LRP1B: variants seen among roughly 807,000 people sequenced by gnomAD.
The protein encoded by LRP1B is low-density lipoprotein receptor-related protein 1B.
LRP1B carries 217 observed loss-of-function variants against 556.6 expected under a neutral mutation model. The observed-to-expected ratio is 0.39, with a 90% CI of 0.35 to 0.44. The LOEUF (loss-of-function observed/expected upper bound fraction) is 0.44, where lower values mean the gene tolerates loss of function less well. Ranked by LOEUF, LRP1B falls within the 20% of genes least tolerant of loss-of-function variation. LRP1B has a pLI of 1.00. For synonymous variants in LRP1B, 2,047 were observed against 1,865.8 expected, an observed-to-expected ratio of 1.10 and a Z score of -2.50; for missense variants, 5,053 against 5,620.8, an observed-to-expected ratio of 0.90 and a Z score of 3.23.
chr2:140,290,947 A>G (rs995075705), intron 84 of LRP1B, among the ~76,000 whole-genome samples: 31 of 152,224 alleles, frequency 2.0e-4, no homozygotes, highest in Middle Eastern at 3.4e-3. Context: ...CAGATTAGGG[A>G]AAACTGCTTA....
intron 13 of LRP1B, among the ~76,000 whole-genome samples, chr2:141,015,448 A>G (rs1697874444): frequency 6.6e-6 from 1 of 152,030 alleles, no homozygotes; most frequent in Admixed American, 6.6e-5. Context: ...AACAGCTCTG[A>G]TATCCTGAGA....
chr2:141,638,885 G>A lies in LRP1B; in HGVS notation c.206-158352C>T, dbSNP rs1184726174. On this transcript the variant is annotated intron_variant, in intron 2 of 90. Transcript: ENST00000389484. ...CATATATATATATATATATATATGT[G>A]TGTGTATGTGCGTGTGTGTGTGTGT... Among the ~76,000 whole-genome samples, 4 of 48,656 alleles carry A rather than the reference G, an allele frequency of 8.2e-5. 1 individual carries two copies. The highest frequency in any genetic ancestry group is 3.3e-4 in the African/African-American group (4 of 12,248). The allele number at this position is 48,656 out of a possible 152,430, so 31.9% of individuals were successfully genotyped here.
At chr2:141,336,163 A>T (rs1687843770) in intron 3 of LRP1B, among the ~76,000 whole-genome samples, 1 of 149,510 alleles carries the variant, frequency 6.7e-6, no homozygotes, top group South Asian at 2.1e-4. Flanking sequence ...AATAGTCTGG[A>T]TGTGTGAGAG....
rs191526726 is a variant in LRP1B at position 141,873,500 on chromosome 2, A to G, written c.83-63099T>C. 2.3e-3 allele frequency among the ~76,000 whole-genome samples: 353 copies of G among 152,134 alleles called. 3 individuals are homozygous for G. The highest frequency in any genetic ancestry group is 7.8e-3 in the African/African-American group (326 of 41,544). ...TAGAAATGAGATGGGGAAAGTAACG[A>G]AAACTGCAATGTTTAACTTGAGTCA... On this transcript the variant is annotated intron_variant, in intron 1 of 90. Coordinates refer to ENST00000389484, the MANE Select transcript of LRP1B (RefSeq NM_018557.3).
intron 3 of LRP1B, among the ~76,000 whole-genome samples, chr2:141,438,069 ACTG>A (rs1346906059): frequency 6.6e-6 from 1 of 152,106 alleles, no homozygotes; most frequent in Non-Finnish European, 1.5e-5. Context: ...ACTATTTCCC[ACTG>A]CATGTAGATA....
chr2:141,711,920 TTCTC>T (rs1307889154), intron 2 of LRP1B, among the ~76,000 whole-genome samples: 5 of 150,682 alleles, frequency 3.3e-5, no homozygotes, highest in East Asian at 3.9e-4. Context: ...CCTCTTCTTT[TTCTC>T]TCTCTGTCAT....
intron 1 of LRP1B, among the ~76,000 whole-genome samples, chr2:142,115,603 ATATATAT>A (rs1707195486): frequency 4.4e-5 from 1 of 22,938 alleles, no homozygotes; most frequent in African/African-American, 1.2e-4. Flanking sequence ...TATATATGTA[ATATATAT>A]TATATATATG....
chr2:141,125,597 G>T (rs1329077381), intron 7 of LRP1B, among the ~76,000 whole-genome samples: 4 of 152,084 alleles, frequency 2.6e-5, no homozygotes, highest in Non-Finnish European at 5.9e-5. Context: ...CCCTTGCACA[G>T]TGAAGGCACA....
At chr2:140,912,209 A>G (rs1389493484) in intron 21 of LRP1B, among the ~76,000 whole-genome samples, 4 of 151,750 alleles carry the variant, frequency 2.6e-5, no homozygotes, top group African/African-American at 7.2e-5. Flanking sequence ...ACTCATGCAC[A>G]TGAATTAGGT....
intron 11 of LRP1B, among the ~76,000 whole-genome samples, chr2:141,035,075 G>T (rs1201264601): frequency 6.6e-5 from 10 of 151,958 alleles, no homozygotes; most frequent in Admixed American, 6.6e-4. Context: ...GATGAAATTG[G>T]AAATCATCAT....
At chr2:141,264,171 A>G (rs1039268251) in intron 3 of LRP1B, among the ~76,000 whole-genome samples, 3 of 152,214 alleles carry the variant, frequency 2.0e-5, no homozygotes, top group African/African-American at 7.2e-5. Flanking sequence ...GTTTGTAAGC[A>G]ACAGAAACAA....
intron 2 of LRP1B, among the ~76,000 whole-genome samples, chr2:141,488,380 C>T (rs1683193699): frequency 6.6e-6 from 1 of 152,136 alleles, no homozygotes; most frequent in Admixed American, 6.6e-5. Flanking sequence ...CTGATTATCG[C>T]TACCTAGTTA....
Position 140,779,755 on chromosome 2 carries a change from AGTGT to A in LRP1B, c.5360-3521_5360-3518del, listed in dbSNP as rs70988440. On this transcript the variant is annotated intron_variant, in intron 32 of 90. Coordinates refer to ENST00000389484, the MANE Select transcript of LRP1B (RefSeq NM_018557.3). ...TGGTGTGTCTGTCTCTCTGTGAGAG[AGTGT>A]GTGTGTGTGTGTGTGTGTGTGTGTG... Among the ~76,000 whole-genome samples, 338 of 135,362 alleles carry A rather than the reference AGTGT, an allele frequency of 2.5e-3. 1 individual carries two copies. The highest frequency in any genetic ancestry group is 8.8e-3 in the African/African-American group (320 of 36,410). The allele number at this position is 135,362 out of a possible 152,430, so 88.8% of individuals were successfully genotyped here.
At chr2:141,598,463 C>T (rs1362808238) in intron 2 of LRP1B, among the ~76,000 whole-genome samples, 3 of 152,132 alleles carry the variant, frequency 2.0e-5, no homozygotes, top group Non-Finnish European at 4.4e-5. Context: ...AAGAGCTCTT[C>T]ACCTCTTCCT....
intron 2 of LRP1B, among the ~76,000 whole-genome samples, chr2:141,643,551 C>G (rs1045562840): frequency 1.3e-5 from 2 of 152,132 alleles, no homozygotes; most frequent in Admixed American, 1.3e-4. Flanking sequence ...TCATGTAGGA[C>G]TCCAGCTATC....
In LRP1B at chr2:142,008,601, C is replaced by A. The variant is rs150803442; in HGVS notation, c.82+122047G>T. Among the ~76,000 whole-genome samples, 19 of 151,874 alleles carry A rather than the reference C, an allele frequency of 1.3e-4. No individual in the cohort carries two copies. The East Asian group carries it at 3.5e-3, about 28-fold the overall frequency. On this transcript the variant is annotated intron_variant, in intron 1 of 90. Transcript: ENST00000389484. ...CTTCCATTATCCCTAACCACAAACT[C>A]CAATTATGAAAAGTTTTGAGTTTCT...
At chr2:141,820,813 A>G (rs1696726717) in intron 1 of LRP1B, among the ~76,000 whole-genome samples, 1 of 152,228 alleles carries the variant, frequency 6.6e-6, no homozygotes, top group South Asian at 2.1e-4. Context: ...AAATTGACTA[A>G]AATTGAATAA....
intron 1 of LRP1B, among the ~76,000 whole-genome samples, chr2:142,062,932 T>C (rs1574645747): frequency 6.6e-6 from 1 of 151,556 alleles, no homozygotes; most frequent in Non-Finnish European, 1.5e-5. Context: ...TCAATAAGTA[T>C]TGGAAAGTAT....
At chr2:142,103,845 G>A (rs1046449907) in intron 1 of LRP1B, among the ~76,000 whole-genome samples, 11 of 151,962 alleles carry the variant, frequency 7.2e-5, no homozygotes, top group Non-Finnish European at 1.5e-4. Flanking sequence ...CTTACCTACC[G>A]TGTATAAGAA....
Sources: gnomAD v4.1 joint callset for allele counts (sites outside exome capture counted in the v4.1 genomes callset) on GRCh38, gnomAD v4.1.1 for gene constraint, MANE v1.5 for transcripts, NCBI Gene and HGNC (gene_info 2026-07-23, HGNC 2026-07-21) for gene names.